Variants in MKX observed in about 807,000 individuals in gnomAD.
The protein encoded by MKX is mohawk homeobox.
In MKX, 13 loss-of-function variants were observed where a neutral mutation model predicts 36.0. The ratio of observed to expected loss-of-function variants is 0.36; its 90% CI spans 0.24 to 0.57. MKX has a LOEUF of 0.57. Ranked by LOEUF, MKX falls within the 20% of genes least tolerant of loss-of-function variation. The probability of loss-of-function intolerance (pLI) is 0.79; values close to 1 mark genes in which losing one functional copy is unlikely to be tolerated. For synonymous variants in MKX, 176 were observed against 178.3 expected (o/e 0.99, Z 0.10); for missense variants, 458 against 456.4 (o/e 1.00, Z -0.03).
At chr10:27,682,198 A>G (rs1362134786) in intron 5 of MKX, among the ~76,000 whole-genome samples, 2 of 152,176 alleles carry the variant, frequency 1.3e-5, no homozygotes, top group Non-Finnish European at 2.9e-5. Flanking sequence ...TAACAGGAAA[A>G]AGTTTATAGA....
intron 5 of MKX, among the ~76,000 whole-genome samples, chr10:27,678,717 A>G (rs540849770): frequency 1.3e-5 from 2 of 152,338 alleles, no homozygotes; most frequent in South Asian, 4.1e-4. Flanking sequence ...GAGAGCTTCT[A>G]TTTAAGATGA....
rs1834886736 is a variant in MKX at position 27,741,264 on chromosome 10, A to G, written c.348+81T>C. 3 of 1,559,092 alleles carry G rather than the reference A, an allele frequency of 1.9e-6. No individual in the cohort carries two copies. The highest frequency in any genetic ancestry group is 1.7e-4 in the Middle Eastern group (1 of 5,904). ...CTCTCCAGGTAGAAGCGCCACGTGG[A>G]GAGCCACACGAACTCTAAGCGTTCC... On this transcript the variant is annotated intron_variant, in intron 3 of 6. Transcript: ENST00000419761. The surrounding 1 kb of genome is among the most constrained non-coding windows in gnomAD (Gnocchi z 5.1).
At chr10:27,704,875 G>GA (rs1159591675) in intron 5 of MKX, among the ~76,000 whole-genome samples, 3 of 151,812 alleles carry the variant, frequency 2.0e-5, no homozygotes, top group African/African-American at 4.8e-5. Flanking sequence ...GCTACATAAG[G>GA]AAAAAATCTT....
chr10:27,695,002 C>A (rs941230224), intron 5 of MKX, among the ~76,000 whole-genome samples: 2 of 151,460 alleles, frequency 1.3e-5, no homozygotes, highest in Non-Finnish European at 2.9e-5. Flanking sequence ...AAGGTGGAAG[C>A]AAGAGTAATT....
In MKX at chr10:27,675,101, A is replaced by C; in HGVS notation, c.*128T>G. 1 of 772,598 alleles carries C rather than the reference A, an allele frequency of 1.3e-6. No homozygotes were observed. The highest frequency in any genetic ancestry group is 2.0e-6 in the Non-Finnish European group (1 of 497,958). The allele number at this position is 772,598 out of a possible 1,614,324, so 47.9% of individuals were successfully genotyped here. A position where few individuals can be genotyped will look rare whatever the true frequency, so the allele number is the denominator to read the frequency against. On this transcript the variant is annotated 3_prime_UTR_variant, in exon 7 of 7. Coordinates refer to ENST00000419761, the MANE Select transcript of MKX (RefSeq NM_173576.3). ...TTTTATAGAAGCAACTAAATGATAT[A>C]TTTGGGATAATTAAAAATAAGAAGA...
rs757214275 is a variant in MKX at position 27,734,468 on chromosome 10, C to A, written c.826G>T (p.Val276Phe). Residue 276 changes from valine to phenylalanine, a missense_variant, in exon 5 of 7, where the codon GTC (valine) becomes TTC (phenylalanine). Coordinates refer to ENST00000419761, the MANE Select transcript of MKX (RefSeq NM_173576.3). The stretch of plus-strand genomic sequence containing the variant: ...AGCACGGACTTACCTGTGCGATAGA[C>A]AAAGTTGCCTTCAGTTTCTGATGAC... ...PSSSETEGNFVYRTDTLENGS... is the reference protein window; with the variant it reads ...PSSSETEGNFFYRTDTLENGS... 1.9e-6 allele frequency: 3 copies of A among 1,613,842 alleles called. No homozygotes were observed. The highest frequency in any genetic ancestry group is 2.5e-6 in the Non-Finnish European group (3 of 1,179,916).
rs146403733 is a variant in MKX, at chr10:27,734,753, C to T, written c.541G>A (p.Gly181Ser). The change falls in exon 5 of 7, where the codon GGC becomes AGC. Residue 181 changes from glycine to serine, a missense_variant. By Grantham distance (56) the Gly-to-Ser change is moderately conservative (BLOSUM62 0). Transcript: ENST00000419761. ...NPPRTHMNEG[G>S]YNTPVHHPVI... is the part of the protein sequence containing the mutation. ...GGATGGTGAACTGGGGTATTATAGC[C>T]CCCTTCGTTCATGTGGGTTCTTGGA... 2.5e-6 allele frequency: 4 copies of T among 1,613,536 alleles called. No homozygotes were observed. Among genetic ancestry groups the T allele is most frequent in the East Asian group, 2.2e-5 (1 of 44,878 alleles).
intron 1 of MKX, 113 bp from the exon 2 acceptor site, chr10:27,743,610 C>G (rs1253138708): frequency 1.7e-6 from 1 of 576,458 alleles, no homozygotes; most frequent in South Asian, 2.7e-5. Context: ...AGGGGAGGAG[C>G]GGCGCCGCCG....
intron 5 of MKX, among the ~76,000 whole-genome samples, chr10:27,705,933 A>G (rs1836739791): frequency 6.6e-6 from 1 of 152,198 alleles, no homozygotes; most frequent in Non-Finnish European, 1.5e-5. Context: ...CTGTGGCATT[A>G]AGTACATTCA....
intron 5 of MKX, among the ~76,000 whole-genome samples, chr10:27,717,253 T>A (rs929371853): frequency 3.3e-5 from 5 of 152,214 alleles, no homozygotes; most frequent in African/African-American, 1.2e-4. Context: ...AGCTATGCCA[T>A]GCCAGACTTC....
rs75895212 is a variant in MKX at position 27,733,764 on chromosome 10, A to C, written c.838+692T>G. 4.2e-3 allele frequency among the ~76,000 whole-genome samples: 634 copies of C among 152,346 alleles called. 19 individuals carry two copies. In the East Asian group the frequency reaches 0.066, roughly 16 times the overall value. On this transcript the variant is annotated intron_variant, in intron 5 of 6. Coordinates refer to ENST00000419761, the MANE Select transcript of MKX (RefSeq NM_173576.3). ...CTCTGGGAACTGAAGTCAAGATAGA[A>C]ATTTTTACCAAACCTACTACTCCAT...
At chr10:27,691,432 C>A (rs1019758761) in intron 5 of MKX, among the ~76,000 whole-genome samples, 1 of 152,098 alleles carries the variant, frequency 6.6e-6, no homozygotes, top group African/African-American at 2.4e-5. Flanking sequence ...TATAGCAGCA[C>A]AAGGCACTAT....
chr10:27,689,315 C>T (rs1378537245), intron 5 of MKX, among the ~76,000 whole-genome samples: 5 of 152,180 alleles, frequency 3.3e-5, no homozygotes, highest in African/African-American at 1.2e-4. Flanking sequence ...AAAACCCCCA[C>T]ATTTTAGACA....
In MKX at chr10:27,674,790, T is replaced by C. The variant is rs887622166; in HGVS notation, c.*439A>G. The C allele has an allele frequency of 1.3e-5, 2 of 153,718 alleles. No individual in the cohort carries two copies. Among genetic ancestry groups the C allele is most frequent in the African/African-American group, 4.8e-5 (2 of 41,462 alleles). 9.5% of individuals were successfully genotyped at this position (153,718 alleles called of 1,614,324 possible). On this transcript the variant is annotated 3_prime_UTR_variant, in exon 7 of 7. Transcript: ENST00000419761. ...AGATTTCATTTGGGCTGAACAGATA[T>C]CCAAGTTTTAACATATGAATTATTG...
At chr10:27,707,267 A>T (rs1449296699) in intron 5 of MKX, among the ~76,000 whole-genome samples, 1 of 147,652 alleles carries the variant, frequency 6.8e-6, no homozygotes, top group African/African-American at 2.4e-5. Flanking sequence ...ACATAAAAAA[A>T]ATTAAAAATG....
intron 5 of MKX, among the ~76,000 whole-genome samples, chr10:27,721,111 T>C (rs983187344): frequency 2.0e-5 from 3 of 152,106 alleles, no homozygotes; most frequent in Non-Finnish European, 4.4e-5. Flanking sequence ...AGATTTGATA[T>C]AAATATCATG....
intron 5 of MKX, among the ~76,000 whole-genome samples, chr10:27,731,991 AT>A (rs3063021): frequency 0.14 from 20,984 of 151,998 alleles, 1,673 homozygotes; most frequent in East Asian, 0.36. Context: ...TGTATTTGTC[AT>A]TTTTTTTTAT....
rs528493956 is a variant in MKX, at chr10:27,682,746, C to T, written c.839-7192G>A. On this transcript the variant is annotated intron_variant, in intron 5 of 6. Coordinates refer to ENST00000419761, the MANE Select transcript of MKX (RefSeq NM_173576.3). The stretch of plus-strand genomic sequence containing the variant: ...TTATAATCACAGCACTTTGGGAGGC[C>T]GAGGCGGGTGGATCACAAGGTCAGG... Among the ~76,000 whole-genome samples the T allele has an allele frequency of 3.9e-4, 59 of 151,952 alleles. 2 individuals carry two copies. In the South Asian group the frequency reaches 4.4e-3, roughly 11 times the overall value.
At chr10:27,700,606 C>G (rs1031652067) in intron 5 of MKX, among the ~76,000 whole-genome samples, 93 of 152,192 alleles carry the variant, frequency 6.1e-4, no homozygotes, top group Middle Eastern at 6.8e-3. Context: ...GCTGTTATAT[C>G]TACATAACAA....
Sources: allele counts gnomAD v4.1 joint callset (sites outside exome capture counted in the v4.1 genomes callset), GRCh38; gene constraint gnomAD v4.1.1; non-coding constraint Gnocchi (gnomAD v3.1); transcripts MANE v1.5; gene names NCBI Gene and HGNC (gene_info 2026-07-23, HGNC 2026-07-21).